Variants in DMTF1 observed in about 807,000 individuals in gnomAD.
DMTF1 encodes cyclin-D-binding Myb-like transcription factor 1.
In DMTF1, 39 loss-of-function variants were observed where a neutral mutation model predicts 91.1. That is an observed-to-expected ratio of 0.43 (90% CI 0.33 to 0.56). DMTF1 has a LOEUF of 0.56. Among genes scored for constraint, DMTF1 ranks in the 20% least tolerant of loss-of-function variants. The pLI is 0.05. For synonymous variants in DMTF1, 338 were observed against 309.5 expected, an observed-to-expected ratio of 1.09 and a Z score of -0.97; for missense variants, 750 against 914.5, an observed-to-expected ratio of 0.82 and a Z score of 2.32.
chr7:87,156,018 A>C (rs1205182634), intron 1 of DMTF1, among the ~76,000 whole-genome samples: 1 of 152,140 alleles, frequency 6.6e-6, no homozygotes, highest in Non-Finnish European at 1.5e-5. Context: ...GTATCTAATG[A>C]GTAAATGTGC....
chr7:87,174,378 C>A (rs536440487), intron 6 of DMTF1, among the ~76,000 whole-genome samples: 45 of 151,894 alleles, frequency 3.0e-4, no homozygotes, highest in African/African-American at 1.0e-3. Flanking sequence ...TTACCATTGT[C>A]TTTTTTTAGT....
chr7:87,153,663 C>G (rs530065867), intron 1 of DMTF1, among the ~76,000 whole-genome samples: 2 of 152,176 alleles, frequency 1.3e-5, no homozygotes, highest in East Asian at 3.9e-4. Flanking sequence ...TTATGTGTGC[C>G]TCCTTTCTGA....
chr7:87,190,908 A>G (rs912603466), intron 13 of DMTF1, 37 bp from the exon 14 acceptor site: 4 of 1,542,806 alleles, frequency 2.6e-6, no homozygotes, highest in Non-Finnish European at 3.5e-6. Context: ...TTTATTGTAA[A>G]TTATTCTTAC....
At chr7:87,167,906 AC>A (rs1794205597) in intron 4 of DMTF1, among the ~76,000 whole-genome samples, 1 of 152,242 alleles carries the variant, frequency 6.6e-6, no homozygotes. Flanking sequence ...ATATAAATTG[AC>A]TTCAACCAAT....
chr7:87,175,181 C>G (rs572972214), intron 7 of DMTF1, among the ~76,000 whole-genome samples: 1 of 151,840 alleles, frequency 6.6e-6, no homozygotes, highest in Admixed American at 6.6e-5. Context: ...CCACCACGCC[C>G]GGCTAATTTT....
At chr7:87,194,134 T>C (rs1472427551) in intron 16 of DMTF1, 32 bp downstream of exon 16, 1 of 1,521,970 alleles carries the variant, frequency 6.6e-7, no homozygotes, top group South Asian at 1.3e-5. Flanking sequence ...ACTGAATGGA[T>C]TCTTGCCTTG....
At chr7:87,188,373 G>C (rs751035304) in intron 13 of DMTF1, 72 bp downstream of exon 13, 29 of 1,506,592 alleles carry the variant, frequency 1.9e-5, no homozygotes, top group Non-Finnish European at 2.6e-5. Flanking sequence ...GATGTCTTTT[G>C]GTTTTCTAGA....
chr7:87,154,926 C>T (rs948220125), intron 1 of DMTF1, among the ~76,000 whole-genome samples: 1 of 152,096 alleles, frequency 6.6e-6, no homozygotes, highest in Non-Finnish European at 1.5e-5. Context: ...AAAATCTTAC[C>T]TTTCTATTAG....
chr7:87,174,812 A>G (rs1338363226), intron 7 of DMTF1, 143 bp downstream of exon 7: 5 of 509,548 alleles, frequency 9.8e-6, no homozygotes, highest in African/African-American at 4.0e-5. Flanking sequence ...ATGTAGCTGA[A>G]TAATTCTAAA....
Position 87,163,550 on chromosome 7 carries a change from T to C in DMTF1, c.-76T>C, listed in dbSNP as rs1045399885. 1.3e-5 allele frequency: 2 copies of C among 152,294 alleles called. No individual in the cohort carries two copies. The highest frequency in any genetic ancestry group is 4.8e-5 in the African/African-American group (2 of 41,466). The allele number at this position is 152,294 out of a possible 1,614,324, so 9.4% of individuals were successfully genotyped here. On this transcript the variant is annotated 5_prime_UTR_variant, in exon 2 of 18. The change abolishes an upstream ATG in the 5' untranslated region. Coordinates refer to ENST00000331242, the MANE Select transcript of DMTF1 (RefSeq NM_001142327.2). The stretch of plus-strand genomic sequence containing the variant: ...AACAATCTGGGTAACATGAAAGTGA[T>C]GCTGGTTGCTAAGGGAAGGCAACTT...
rs1801142843 is a variant in DMTF1, at chr7:87,195,971, A to G, written c.*831A>G. On this transcript the variant is annotated 3_prime_UTR_variant, in exon 18 of 18. Coordinates refer to ENST00000331242, the MANE Select transcript of DMTF1 (RefSeq NM_001142327.2). ...CGAGAGAATAGTTTGTCATCCACTT[A>G]GTGTGTTAGCTGGTGGGGTACAATA... is the stretch of plus-strand genomic sequence containing the variant. The G allele has an allele frequency of 6.6e-6, 1 of 152,344 alleles. No homozygotes were observed. Among genetic ancestry groups the G allele is most frequent in the Admixed American group, 6.6e-5 (1 of 15,238 alleles). The allele number at this position is 152,344 out of a possible 1,614,324, so 9.4% of individuals were successfully genotyped here.
intron 9 of DMTF1, among the ~76,000 whole-genome samples, chr7:87,181,691 G>A (rs1240539488): frequency 6.6e-6 from 1 of 152,144 alleles, no homozygotes; most frequent in African/African-American, 2.4e-5. Context: ...GGTTTAGAAT[G>A]GTGACTTGGC....
intron 1 of DMTF1, among the ~76,000 whole-genome samples, chr7:87,158,929 G>C (rs1186879968): frequency 6.6e-6 from 1 of 151,962 alleles, no homozygotes; most frequent in African/African-American, 2.4e-5. Flanking sequence ...ATACAAAAAT[G>C]ATCTGGCTCA....
chr7:87,166,098 T>G (rs1293982797), intron 3 of DMTF1, among the ~76,000 whole-genome samples: 1 of 152,230 alleles, frequency 6.6e-6, no homozygotes, highest in Non-Finnish European at 1.5e-5. Flanking sequence ...GCTTTCCTCA[T>G]AGTCTTACCT....
chr7:87,157,033 G>T (rs941282795), intron 1 of DMTF1, among the ~76,000 whole-genome samples: 2 of 152,078 alleles, frequency 1.3e-5, no homozygotes, highest in African/African-American at 4.8e-5. Flanking sequence ...AACAGTAAAA[G>T]ATAGGCATGC....
intron 12 of DMTF1, chr7:87,187,556 A>T (rs547499953): frequency 2.3e-4 from 35 of 154,208 alleles, no homozygotes; most frequent in South Asian, 1.4e-3. Context: ...AAATTAAATT[A>T]AAAAATCCAG....
intron 6 of DMTF1, 33 bp from the exon 7 acceptor site, chr7:87,174,560 A>AT (rs374767399): frequency 2.8e-6 from 4 of 1,444,052 alleles, no homozygotes; most frequent in East Asian, 4.6e-5. Context: ...AAGGAGTAAC[A>AT]TTTTTTATAA....
intron 14 of DMTF1, among the ~76,000 whole-genome samples, chr7:87,191,378 T>C (rs531604445): frequency 1.4e-4 from 22 of 152,246 alleles, no homozygotes; most frequent in African/African-American, 5.3e-4. Context: ...TACTAGCCAC[T>C]GGGGATACAA....
chr7:87,193,786 T>C lies in DMTF1; in HGVS notation c.1712T>C (p.Ile571Thr), dbSNP rs748183604. ...GTGCAGTGTCACACACCAAGAGTCA[T>C]CATTCAGACTGTTGCCACAGAGGAC... Reference protein sequence around the residue: ...VTVQCHTPRVIIQTVATEDIT... With the variant: ...VTVQCHTPRVTIQTVATEDIT... Residue 571 changes from isoleucine (I) to threonine (T), a missense_variant, in exon 16 of 18, where the codon ATC (isoleucine) becomes ACC (threonine). Physicochemically the swap from Ile to Thr is moderately conservative, Grantham distance 89. Coordinates refer to ENST00000331242, the MANE Select transcript of DMTF1 (RefSeq NM_001142327.2). The C allele has an allele frequency of 1.9e-6, 3 of 1,612,852 alleles. No individual in the cohort carries two copies. Among genetic ancestry groups the C allele is most frequent in the Non-Finnish European group, 2.5e-6 (3 of 1,179,198 alleles).
Sources: gnomAD v4.1 joint callset for allele counts (sites outside exome capture counted in the v4.1 genomes callset) on GRCh38, gnomAD v4.1.1 for gene constraint, MANE v1.5 for transcripts, NCBI Gene and HGNC (gene_info 2026-07-23, HGNC 2026-07-21) for gene names.